Variants in EXD2 observed in about 807,000 individuals in gnomAD.
EXD2 encodes exonuclease 3'-5' domain containing 2, also known as exonuclease 3'-5' domain-containing protein 2.
A neutral mutation model predicts 62.5 loss-of-function variants in EXD2; 40 were observed. The ratio of observed to expected loss-of-function variants is 0.64; its 90% CI spans 0.50 to 0.83. The LOEUF is 0.83. Among genes scored for constraint, EXD2 ranks in the 40% least tolerant of loss-of-function variants. EXD2 has a pLI of 0.00. For synonymous variants in EXD2, 239 were observed against 291.9 expected (o/e 0.82, Z 1.85); for missense variants, 671 against 761.8 (o/e 0.88, Z 1.40).
rs373877714 is a variant in EXD2 at position 69,237,581 on chromosome 14, C to T, written c.1299C>T (p.Asn433=). 2.8e-5 allele frequency: 45 copies of T among 1,613,918 alleles called. No homozygotes were observed. Among genetic ancestry groups the T allele is most frequent in the Non-Finnish European group, 3.2e-5 (38 of 1,179,894 alleles). ...CGKRDSYIRK[N]VIPHEYRKHF... The stretch of plus-strand genomic sequence containing the variant: ...CCGGCTGGGCTTGTTCCAGGAAGAA[C>T]GTGATTCCACATGAGTACCGGAAGC... Residue 433 remains asparagine, a synonymous_variant, in exon 9 of 10, where the codon AAC becomes AAT. Transcript: ENST00000685843.
rs532867194 is a variant in EXD2, at chr14:69,221,204, T to C, written c.334-7612T>C. Reference sequence around the variant, plus strand: ...TTTGATTTAAAAAAGTTATGCTAGCTTCATACAACAGGTTAGGGGTGTTTC... The same window carrying C: ...TTTGATTTAAAAAAGTTATGCTAGCCTCATACAACAGGTTAGGGGTGTTTC... On this transcript the variant is annotated intron_variant, in intron 3 of 9. Transcript: ENST00000685843. 1.9e-4 allele frequency among the ~76,000 whole-genome samples: 29 copies of C among 152,266 alleles called. No individual in the cohort carries two copies. The South Asian group carries it at 5.8e-3, about 30-fold the overall frequency.
chr14:69,198,902 T>C (rs1566814603), intron 1 of EXD2, among the ~76,000 whole-genome samples: 1 of 152,232 alleles, frequency 6.6e-6, no homozygotes, highest in Non-Finnish European at 1.5e-5. Flanking sequence ...AGTATTTGTG[T>C]ATCTAAACAT....
intron 1 of EXD2, among the ~76,000 whole-genome samples, chr14:69,197,111 G>A (rs558227337): frequency 1.1e-4 from 17 of 152,278 alleles, no homozygotes; most frequent in African/African-American, 2.9e-4. Flanking sequence ...CACACTTGTA[G>A]TCAAGAGGCT....
chr14:69,241,125 C>T lies in EXD2; in HGVS notation c.*25C>T, dbSNP rs777300999. The T allele has an allele frequency of 1.5e-5, 24 of 1,597,468 alleles. No individual in the cohort carries two copies. Among genetic ancestry groups the T allele is most frequent in the Non-Finnish European group, 2.0e-5 (23 of 1,169,030 alleles). On this transcript the variant is annotated 3_prime_UTR_variant, in exon 10 of 10. Transcript: ENST00000685843. The stretch of plus-strand genomic sequence containing the variant: ...ATAGCTGCTTTCCTCCCAGTTAGGA[C>T]AAGTGGGAAGCTGGAGCCAAGGTTG...
intron 3 of EXD2, among the ~76,000 whole-genome samples, chr14:69,217,824 A>G (rs970793606): frequency 2.8e-4 from 43 of 152,288 alleles, no homozygotes; most frequent in African/African-American, 9.9e-4. Context: ...TTTGCTGAGA[A>G]TGATGGTTTC....
intron 3 of EXD2, among the ~76,000 whole-genome samples, chr14:69,221,404 A>T (rs1594760816): frequency 6.6e-6 from 1 of 152,080 alleles, no homozygotes; most frequent in South Asian, 2.1e-4. Context: ...CTATTTCTTA[A>T]TGTCTCAGTT....
chr14:69,226,550 C>A (rs2043369235), intron 3 of EXD2, among the ~76,000 whole-genome samples: 1 of 152,166 alleles, frequency 6.6e-6, no homozygotes, highest in Admixed American at 6.5e-5. Context: ...GAGTTTGAGA[C>A]CAGCCTGGCC....
At chr14:69,207,462 C>T (rs975491564) in intron 2 of EXD2, among the ~76,000 whole-genome samples, 2 of 152,066 alleles carry the variant, frequency 1.3e-5, no homozygotes, top group African/African-American at 4.8e-5. Context: ...CCACTGCACA[C>T]AGGTCTGGGC....
chr14:69,191,879 C>G (rs535313887), intron 1 of EXD2: 1 of 152,434 alleles, frequency 6.6e-6, no homozygotes, highest in East Asian at 1.9e-4. Context: ...TTGGGCCTCT[C>G]CTTTCGACCC....
At chr14:69,201,854 T>G (rs2042418612) in intron 1 of EXD2, among the ~76,000 whole-genome samples, 1 of 151,966 alleles carries the variant, frequency 6.6e-6, no homozygotes, top group Non-Finnish European at 1.5e-5. Flanking sequence ...GGCTAATTTT[T>G]GTAATCTTAG....
chr14:69,209,806 A>T lies in EXD2; in HGVS notation c.333+3A>T. The stretch of plus-strand genomic sequence containing the variant: ...TACTTGGAATTGACTGTGAGTGGGT[A>T]AGTTAAAAAGCAAAAGTTAAAAAAA... On this transcript the variant is annotated splice_donor_region_variant and intron_variant, in intron 3 of 9. Coordinates refer to ENST00000685843, the MANE Select transcript of EXD2 (RefSeq NM_001193360.2). The T allele has an allele frequency of 7.0e-7, 1 of 1,424,518 alleles. No homozygotes were observed. Among genetic ancestry groups the T allele is most frequent in the Non-Finnish European group, 9.2e-7 (1 of 1,082,002 alleles). 88.2% of individuals were successfully genotyped at this position (1,424,518 alleles called of 1,614,324 possible).
In EXD2 at chr14:69,234,887, A is replaced by G. The variant is rs2043716816; in HGVS notation, c.905A>G (p.Glu302Gly). The G allele has an allele frequency of 8.7e-6, 14 of 1,614,208 alleles. No individual in the cohort carries two copies. The highest frequency in any genetic ancestry group is 1.2e-5 in the Non-Finnish European group (14 of 1,180,040). The change falls in exon 6 of 10, where the codon GAA becomes GGA. Residue 302 changes from glutamate (E) to glycine (G), a missense_variant. Physicochemically the swap from Glu to Gly is moderately conservative, Grantham distance 98 (BLOSUM62 -2). Transcript: ENST00000685843. Reference protein sequence around the residue: ...FRSKGMSRLGEEVNGEATESQ... With the variant: ...FRSKGMSRLGGEVNGEATESQ... The stretch of plus-strand genomic sequence containing the variant: ...AGCAAAGGAATGAGCAGATTGGGAG[A>G]AGAGGTTAATGGGGAAGCAACAGAA...
chr14:69,241,771 C>G lies in EXD2; in HGVS notation c.*671C>G, dbSNP rs548214410. ...TCACTGGGAGAAATCCTTTTCTGGA[C>G]ATGAGCCTTTGACCTGGGTGGGGCA... On this transcript the variant is annotated 3_prime_UTR_variant, in exon 10 of 10. Transcript: ENST00000685843. 2.5e-6 allele frequency: 1 copy of G among 398,406 alleles called. No individual in the cohort carries two copies. Among genetic ancestry groups the G allele is most frequent in the South Asian group, 1.3e-4 (1 of 7,428 alleles). 24.7% of individuals were successfully genotyped at this position (398,406 alleles called of 1,614,324 possible).
rs1215816076 is a variant in EXD2, at chr14:69,234,761, AC to A, written c.782del (p.Pro261LeufsTer37). 2.5e-6 allele frequency: 4 copies of A among 1,614,000 alleles called. No individual in the cohort carries two copies. Among genetic ancestry groups the A allele is most frequent in the Non-Finnish European group, 3.4e-6 (4 of 1,180,036 alleles). The part of the protein sequence containing the change: ...SVALFLHLLG[Y>X]PFSRNSPGEK... The stretch of plus-strand genomic sequence containing the variant: ...GCTCTCTTTCTTCATCTTCTTGGAT[AC>A]CCTTTCTCTAGGAATTCACCTGGAG... On this transcript the variant is annotated frameshift_variant, in exon 6 of 10. Coordinates refer to ENST00000685843, the MANE Select transcript of EXD2 (RefSeq NM_001193360.2). LOFTEE classifies it high-confidence loss of function.
chr14:69,212,783 C>A (rs1453204925), intron 3 of EXD2, among the ~76,000 whole-genome samples: 1 of 135,862 alleles, frequency 7.4e-6, no homozygotes, highest in Non-Finnish European at 1.5e-5. Context: ...TTTTGGCTCA[C>A]TTTAGCCTTG....
intron 5 of EXD2, 107 bp from the exon 6 acceptor site, chr14:69,234,593 T>G: frequency 1.1e-6 from 1 of 942,146 alleles, no homozygotes; most frequent in Non-Finnish European, 1.6e-6. Context: ...TTGTCGTACA[T>G]TTTGAATTAG....
intron 3 of EXD2, among the ~76,000 whole-genome samples, chr14:69,215,243 G>A (rs71423349): frequency 0.31 from 47,652 of 151,954 alleles, 9,886 homozygotes; most frequent in East Asian, 0.92. Context: ...TGAGCTGAGA[G>A]TGTGCCACTG....
chr14:69,234,924 G>T lies in EXD2; in HGVS notation c.942G>T (p.Lys314Asn). The change falls in exon 6 of 10, where the codon AAG becomes AAT. Residue 314 changes from lysine (K) to asparagine (N), a missense_variant. By Grantham distance (94) the Lys-to-Asn change is moderately conservative. Transcript: ENST00000685843. ...VNGEATESQQ[K>N]PRNKKSKMDG... ...GGGAAGCAACAGAATCTCAGCAGAA[G>T]CCAAGAAATAAGAAGTCTAAGATGG... 6.2e-7 allele frequency: 1 copy of T among 1,614,104 alleles called. No homozygotes were observed. The highest frequency in any genetic ancestry group is 1.3e-5 in the African/African-American group (1 of 75,044).
chr14:69,216,538 C>T (rs2042993554), intron 3 of EXD2, among the ~76,000 whole-genome samples: 1 of 152,136 alleles, frequency 6.6e-6, no homozygotes, highest in Non-Finnish European at 1.5e-5. Context: ...AGCCATTCTC[C>T]TGCCTCAGCC....
Sources: allele counts gnomAD v4.1 joint callset (sites outside exome capture counted in the v4.1 genomes callset), GRCh38; gene constraint gnomAD v4.1.1; transcripts MANE v1.5; gene names NCBI Gene and HGNC (gene_info 2026-07-23, HGNC 2026-07-21).